Variants in FARS2 observed in about 807,000 individuals in gnomAD.
The protein encoded by FARS2 is phenylalanyl-tRNA synthetase 2, mitochondrial, also known as phenylalanine--tRNA ligase, mitochondrial.
FARS2 carries 40 observed loss-of-function variants against 46.4 expected under a neutral mutation model. That is an observed-to-expected ratio of 0.86 (90% CI 0.67 to 1.12). FARS2 has a LOEUF of 1.12. FARS2 is among the 50% of genes most tolerant of loss of function. FARS2 has a pLI of 0.00. For missense variants in FARS2, 513 were observed against 567.9 expected (o/e 0.90, Z 0.98); for synonymous variants, 234 against 214.9 (o/e 1.09, Z -0.78).
intron 4 of FARS2, among the ~76,000 whole-genome samples, chr6:5,456,519 G>T (rs1365641344): frequency 6.6e-6 from 1 of 151,658 alleles, no homozygotes; most frequent in East Asian, 2.0e-4. Flanking sequence ...GGATCACGAG[G>T]TCAGGAGTTC....
At chr6:5,658,198 G>A (rs1047797762) in intron 6 of FARS2, among the ~76,000 whole-genome samples, 10 of 151,662 alleles carry the variant, frequency 6.6e-5, no homozygotes, top group African/African-American at 2.4e-4. Flanking sequence ...GGAGTTTGTG[G>A]TGAGCCGAGA....
At chr6:5,736,889 C>T (rs2145980) in intron 6 of FARS2, among the ~76,000 whole-genome samples, 91,255 of 151,954 alleles carry the variant, frequency 0.6, 27,601 homozygotes, top group East Asian at 0.81. Flanking sequence ...TGTGGAATAA[C>T]TTGCATCCCA....
At chr6:5,392,893 ATG>A (rs1298612286) in intron 2 of FARS2, among the ~76,000 whole-genome samples, 2 of 139,328 alleles carry the variant, frequency 1.4e-5, no homozygotes, top group South Asian at 2.3e-4. Context: ...ATATACATAT[ATG>A]TGTGTATATA....
At chr6:5,750,268 G>A (rs1315584659) in intron 6 of FARS2, among the ~76,000 whole-genome samples, 2 of 152,038 alleles carry the variant, frequency 1.3e-5, no homozygotes, top group East Asian at 1.9e-4. Context: ...ATGGAAGGTC[G>A]GGGGTGGGGC....
chr6:5,564,605 T>C (rs1199745788), intron 5 of FARS2, among the ~76,000 whole-genome samples: 3 of 152,228 alleles, frequency 2.0e-5, no homozygotes, highest in South Asian at 2.1e-4. Context: ...AAACTAGTTA[T>C]GAATAAACTT....
chr6:5,251,500 A>T, the FARS2 span, among the ~76,000 whole-genome samples: 1 of 152,192 alleles, frequency 6.6e-6, no homozygotes, highest in Non-Finnish European at 1.5e-5. Context: ...GGGGGAGCAG[A>T]CACATCACAG....
Position 5,765,543 on chromosome 6 carries a change from G to C in FARS2, c.1218-5748G>C, listed in dbSNP as rs1381621259. 6.6e-6 allele frequency among the ~76,000 whole-genome samples: 1 copy of C among 152,126 alleles called. No individual in the cohort carries two copies. Among genetic ancestry groups the C allele is most frequent in the East Asian group, 1.9e-4 (1 of 5,182 alleles). On this transcript the variant is annotated intron_variant, in intron 6 of 6. Transcript: ENST00000274680. This position sits in a 1 kb window ranked among gnomAD's most constrained non-coding sequence, Gnocchi z 4.0. ...AGGCAGGATAACCTGAAGCCCTCTG[G>C]TGGGCCCTGTAGTGCCGCACTGTAC... is the stretch of plus-strand genomic sequence containing the variant.
intron 4 of FARS2, among the ~76,000 whole-genome samples, chr6:5,487,645 C>T (rs1266363205): frequency 1.3e-5 from 2 of 152,200 alleles, no homozygotes; most frequent in Non-Finnish European, 2.9e-5. Flanking sequence ...AGGGCAGATT[C>T]TGTGGTCTCC....
intron 4 of FARS2, among the ~76,000 whole-genome samples, chr6:5,536,633 T>A (rs1350839809): frequency 6.6e-6 from 1 of 152,218 alleles, no homozygotes; most frequent in South Asian, 2.1e-4. Context: ...GAAAGATTGA[T>A]GTGTTTGGAC....
At chr6:5,625,318 A>G (rs916430990) in intron 6 of FARS2, among the ~76,000 whole-genome samples, 1 of 152,182 alleles carries the variant, frequency 6.6e-6, no homozygotes, top group African/African-American at 2.4e-5. Context: ...CAGAGCAAGA[A>G]ACAAGCTGGG....
chr6:5,351,626 A>T (rs1157752780), intron 1 of FARS2, among the ~76,000 whole-genome samples: 1 of 152,216 alleles, frequency 6.6e-6, no homozygotes, highest in Non-Finnish European at 1.5e-5. Context: ...GGGAAATCAG[A>T]TGGATTGCCA....
chr6:5,717,351 ATGTGTGTGTGTG>A (rs58875741), intron 6 of FARS2, among the ~76,000 whole-genome samples: 31 of 141,634 alleles, frequency 2.2e-4, no homozygotes, highest in African/African-American at 3.4e-4. Flanking sequence ...AGATATGTAT[ATGTGTGTGTGTG>A]TGTGTGTGTG....
At chr6:5,496,473 C>T (rs184759172) in intron 4 of FARS2, among the ~76,000 whole-genome samples, 26 of 152,282 alleles carry the variant, frequency 1.7e-4, no homozygotes, top group African/African-American at 5.1e-4. Context: ...TAACTTGCTA[C>T]GGGTGCCATA....
chr6:5,764,108 T>A lies in FARS2; in HGVS notation c.1218-7183T>A, dbSNP rs186900119. 3.3e-5 allele frequency among the ~76,000 whole-genome samples: 5 copies of A among 152,084 alleles called. No individual in the cohort carries two copies. The highest frequency in any genetic ancestry group is 7.4e-5 in the Non-Finnish European group (5 of 68,012). ...CGCCTACTCTGGGTGGCTGGCTCTG[T>A]ATTAACACTCTACACGCCCCCTCAT... On this transcript the variant is annotated intron_variant, in intron 6 of 6. Transcript: ENST00000274680. The surrounding 1 kb of genome is among the most constrained non-coding windows in gnomAD (Gnocchi z 4.1).
At chr6:5,742,017 C>G (rs936698514) in intron 6 of FARS2, among the ~76,000 whole-genome samples, 4 of 152,354 alleles carry the variant, frequency 2.6e-5, no homozygotes, top group South Asian at 2.1e-4. Context: ...CTCAGTCTCT[C>G]TCTCTGATGT....
chr6:5,634,200 T>C, intron 6 of FARS2, among the ~76,000 whole-genome samples: 1 of 152,240 alleles, frequency 6.6e-6, no homozygotes, highest in East Asian at 1.9e-4. Flanking sequence ...AACTTTTATT[T>C]TTCTAAACAG....
Position 5,269,751 on chromosome 6 carries a change from C to T in FARS2, c.-22+8091C>T, listed in dbSNP as rs1185705807. On this transcript the variant is annotated intron_variant, in intron 1 of 6. Coordinates refer to ENST00000274680, the MANE Select transcript of FARS2 (RefSeq NM_006567.5). ...GTCTTAAGATGTGCAATACTGAGAT[C>T]TGTGATGTTAACTGATCTCTCAGAG... 2.6e-5 allele frequency among the ~76,000 whole-genome samples: 4 copies of T among 152,166 alleles called. No individual in the cohort carries two copies. The East Asian group carries it at 7.7e-4, about 29-fold the overall frequency.
chr6:5,272,705 AGATT>A (rs1193659195), intron 1 of FARS2, among the ~76,000 whole-genome samples: 1 of 152,178 alleles, frequency 6.6e-6, no homozygotes, highest in African/African-American at 2.4e-5. Context: ...AATATGCGAT[AGATT>A]ATTATAATCT....
chr6:5,751,233 T>G (rs1386888321), intron 6 of FARS2, among the ~76,000 whole-genome samples: 1 of 152,160 alleles, frequency 6.6e-6, no homozygotes, highest in Non-Finnish European at 1.5e-5. Context: ...AAGCCATGAG[T>G]AGCCAATGAA....
Sources: allele counts gnomAD v4.1 joint callset (sites outside exome capture counted in the v4.1 genomes callset), GRCh38; gene constraint gnomAD v4.1.1; non-coding constraint Gnocchi (gnomAD v3.1); transcripts MANE v1.5; gene names NCBI Gene and HGNC (gene_info 2026-07-23, HGNC 2026-07-21).